RBM6: variants seen among roughly 807,000 people sequenced by gnomAD.
The protein encoded by RBM6 is RNA-binding protein 6.
RBM6 carries 23 observed loss-of-function variants against 140.4 expected under a neutral mutation model. The ratio of observed to expected loss-of-function variants is 0.16; its 90% CI spans 0.12 to 0.23. The LOEUF (loss-of-function observed/expected upper bound fraction) is 0.23. Ranked by LOEUF, RBM6 falls within the 10% of genes least tolerant of loss-of-function variation. The pLI is 1.00. For missense variants in RBM6, 1,139 were observed against 1,386.7 expected (o/e 0.82, Z 2.84); for synonymous variants, 439 against 475.6 (o/e 0.92, Z 1.00).
At chr3:50,068,662 A>G (rs1559654295) in intron 17 of RBM6, 28 bp from the exon 18 acceptor site, 4 of 1,604,436 alleles carry the variant, frequency 2.5e-6, no homozygotes, top group South Asian at 2.2e-5. Context: ...TCTTAGACCT[A>G]TACTCATAGA....
chr3:49,944,865 T>C (rs2083420261), intron 1 of RBM6, among the ~76,000 whole-genome samples: 1 of 150,662 alleles, frequency 6.6e-6, no homozygotes. Context: ...GGTAATTCTA[T>C]GTGTAATTTT....
At chr3:50,015,452 A>G (rs1190800194) in intron 6 of RBM6, among the ~76,000 whole-genome samples, 1 of 145,482 alleles carries the variant, frequency 6.9e-6, no homozygotes, top group African/African-American at 2.5e-5. Context: ...TTTTTTTGAG[A>G]TGGAGCCTCG....
chr3:50,040,306 C>T (rs1438863724), intron 6 of RBM6, among the ~76,000 whole-genome samples: 1 of 151,268 alleles, frequency 6.6e-6, no homozygotes, highest in African/African-American at 2.4e-5. Flanking sequence ...ATTAGCCAGG[C>T]GTGGTGATGG....
intron 1 of RBM6, among the ~76,000 whole-genome samples, chr3:49,954,109 T>G (rs2083861818): frequency 6.6e-6 from 1 of 150,402 alleles, no homozygotes; most frequent in African/African-American, 2.5e-5. Context: ...GCACTCCCGC[T>G]TGGGTGACAG....
At chr3:50,034,970 TTCTCC>T (rs903450029) in intron 6 of RBM6, among the ~76,000 whole-genome samples, 2 of 144,974 alleles carry the variant, frequency 1.4e-5, no homozygotes, top group African/African-American at 5.1e-5. Context: ...CTGTTTCTCT[TTCTCC>T]TCTCCTCTCC....
chr3:49,943,761 G>T (rs1431770201), intron 1 of RBM6, among the ~76,000 whole-genome samples: 1 of 152,040 alleles, frequency 6.6e-6, no homozygotes, highest in African/African-American at 2.4e-5. Flanking sequence ...GTTGATACTT[G>T]GTTATTATAT....
At chr3:50,066,526 C>T (rs781575733) in intron 17 of RBM6, 24 bp downstream of exon 17, 72 of 1,600,978 alleles carry the variant, frequency 4.5e-5, no homozygotes, top group Non-Finnish European at 4.2e-5. Flanking sequence ...GAGCTATGCC[C>T]TTTCAAACTG....
intron 4 of RBM6, among the ~76,000 whole-genome samples, chr3:49,972,986 A>G (rs1051598674): frequency 2.6e-5 from 4 of 152,034 alleles, no homozygotes; most frequent in East Asian, 3.9e-4. Context: ...ACACACCACC[A>G]CGCCCAGCTA....
intron 1 of RBM6, chr3:49,940,774 A>T (rs1381075175): frequency 2.0e-5 from 3 of 152,380 alleles, no homozygotes; most frequent in Non-Finnish European, 4.4e-5. Flanking sequence ...TTAGGCAATG[A>T]AGGAGAAGGA....
At chr3:50,062,177 G>T in intron 15 of RBM6, 69 bp downstream of exon 15, 1 of 1,515,856 alleles carries the variant, frequency 6.6e-7, no homozygotes, top group Non-Finnish European at 9.0e-7. Flanking sequence ...ACGAACAGAG[G>T]ATATCTATGT....
At chr3:50,056,668 A>G (rs1014126550) in intron 8 of RBM6, among the ~76,000 whole-genome samples, 4 of 152,212 alleles carry the variant, frequency 2.6e-5, no homozygotes, top group Admixed American at 6.6e-5. Flanking sequence ...GAAACCTGTC[A>G]CTGCTATTAT....
intron 6 of RBM6, among the ~76,000 whole-genome samples, chr3:50,016,824 G>GTTTTTTTT (rs71080567): frequency 2.3e-5 from 2 of 86,062 alleles, no homozygotes; most frequent in African/African-American, 3.8e-5. Flanking sequence ...CATGCCTAGC[G>GTTTTTTTT]TTTTTTTTTT....
rs571999727 is a variant in RBM6, at chr3:49,996,959, G to A, written c.1484-2481G>A. Among the ~76,000 whole-genome samples, 109 of 152,146 alleles carry A rather than the reference G, an allele frequency of 7.2e-4. 1 individual carries two copies. Among genetic ancestry groups the A allele is most frequent in the African/African-American group, 2.5e-3 (105 of 41,518 alleles). On this transcript the variant is annotated intron_variant, in intron 5 of 20. Transcript: ENST00000266022. Reference sequence around the variant, plus strand: ...TGATCAGTTTACCTATCCTTTCTTTGCCGCCTTCTACATGGCTAAAATCAG... The same window carrying A: ...TGATCAGTTTACCTATCCTTTCTTTACCGCCTTCTACATGGCTAAAATCAG...
chr3:49,978,363 A>G (rs1454628417), intron 5 of RBM6, among the ~76,000 whole-genome samples: 2 of 152,202 alleles, frequency 1.3e-5, no homozygotes, highest in Non-Finnish European at 2.9e-5. Flanking sequence ...GATGACCTGC[A>G]GAGACCATGC....
In RBM6 at chr3:49,968,684, G is replaced by T. The variant is rs1185293671; in HGVS notation, c.1259G>T (p.Gly420Val). The T allele has an allele frequency of 1.9e-6, 3 of 1,613,772 alleles. No homozygotes were observed. ...DHRLPGSQMF[G>V]YGQSKSFPEG... ...AGGCTGCCAGGAAGCCAGATGTTTG[G>T]CTATGGCCAGAGCAAGTCTTTTCCA... Residue 420 changes from glycine (G) to valine (V), a missense_variant, in exon 3 of 21, where the codon GGC becomes GTC. Around this residue, in one of 9 missense-constraint regions of RBM6, gnomAD observed 566 missense variants for 612.7 expected, o/e 0.92. Coordinates refer to ENST00000266022, the MANE Select transcript of RBM6 (RefSeq NM_005777.3).
intron 5 of RBM6, among the ~76,000 whole-genome samples, chr3:49,983,041 C>CA (rs1269867232): frequency 1.3e-5 from 2 of 152,050 alleles, no homozygotes; most frequent in Admixed American, 6.6e-5. Context: ...GACAGGGTCT[C>CA]ACGCTGTTGC....
At chr3:49,969,489 GTATATATATGAATATATATT>G (rs1207811938) in intron 3 of RBM6, among the ~76,000 whole-genome samples, 7 of 145,850 alleles carry the variant, frequency 4.8e-5, no homozygotes, top group African/African-American at 1.0e-4. Context: ...GAATATATAT[GTATATATATGAATATATATT>G]TATATATATA....
intron 6 of RBM6, among the ~76,000 whole-genome samples, chr3:50,007,545 T>A (rs2086640128): frequency 6.6e-6 from 1 of 151,494 alleles, no homozygotes; most frequent in African/African-American, 2.4e-5. Flanking sequence ...TTTCTTTTTT[T>A]TTTTTGAGAC....
rs369864789 is a variant in RBM6 at position 49,953,440 on chromosome 3, G to A, written c.-66-9136G>A. ...TCACCACATTGGCCAGGCTGGTCTC[G>A]ATCTCTTGACCTCGTGATCTGCCCG... On this transcript the variant is annotated intron_variant, in intron 1 of 20. Coordinates refer to ENST00000266022, the MANE Select transcript of RBM6 (RefSeq NM_005777.3). 1.3e-4 allele frequency among the ~76,000 whole-genome samples: 19 copies of A among 151,464 alleles called. No individual in the cohort carries two copies. The East Asian group carries it at 2.3e-3, about 19-fold the overall frequency.
Sources: allele counts gnomAD v4.1 joint callset (sites outside exome capture counted in the v4.1 genomes callset), GRCh38; gene constraint gnomAD v4.1.1; regional missense constraint gnomAD v4.1.1; transcripts MANE v1.5; gene names NCBI Gene and HGNC (gene_info 2026-07-23, HGNC 2026-07-21).